RP1: variants seen among roughly 807,000 people sequenced by gnomAD.
RP1 encodes RP1 axonemal microtubule associated.
RP1 carries 16 observed loss-of-function variants against 14.8 expected under a neutral mutation model. That is an observed-to-expected ratio of 1.08 (90% CI 0.73 to 1.65). The LOEUF (loss-of-function observed/expected upper bound fraction) is 1.65, where lower values mean the gene tolerates loss of function less well. RP1 is among the 40% of genes most tolerant of loss of function. The pLI is 0.00. For synonymous variants in RP1, 876 were observed against 883.6 expected (o/e 0.99, Z 0.15); for missense variants, 2,631 against 2,535.0 (o/e 1.04, Z -0.81).
chr8:54,776,820 T>G (rs1810051846), intron 23 of RP1, among the ~76,000 whole-genome samples: 1 of 152,166 alleles, frequency 6.6e-6, no homozygotes, highest in African/African-American at 2.4e-5. Context: ...CTCTCCTCCC[T>G]GTTAAGGGTC....
At chr8:54,611,797 A>C (rs1224172018), upstream of RP1, among the ~76,000 whole-genome samples, 2 of 151,850 alleles carry the variant, frequency 1.3e-5, no homozygotes, top group African/African-American at 4.8e-5. Context: ...ACTCTATTTG[A>C]ATCATATAAT....
At chr8:54,814,597 AT>A (rs1226790533) in intron 24 of RP1, among the ~76,000 whole-genome samples, 1 of 152,174 alleles carries the variant, frequency 6.6e-6, no homozygotes, top group Non-Finnish European at 1.5e-5. Context: ...TGGACATAGA[AT>A]TTAGTCTCCC....
chr8:54,624,625 A>G, intron 3 of RP1, 45 bp from the exon 4 acceptor site: 1 of 1,596,524 alleles, frequency 6.3e-7, no homozygotes, highest in South Asian at 1.1e-5. Flanking sequence ...TGCCTTCCAT[A>G]TTATATTTTG....
At chr8:54,783,755 A>G (rs1810248685) in intron 24 of RP1, 1 of 1,142,356 alleles carries the variant, frequency 8.8e-7, no homozygotes, top group Non-Finnish European at 1.1e-6. Flanking sequence ...ATATATTGTG[A>G]TATACATCCC....
intron 16 of RP1, among the ~76,000 whole-genome samples, chr8:54,724,669 T>C (rs1283063631): frequency 6.6e-6 from 1 of 152,190 alleles, no homozygotes; most frequent in East Asian, 1.9e-4. Context: ...CTTTGGTACT[T>C]GGCTTTTGAA....
At chr8:54,865,786 T>C (rs1812444185) in intron 27 of RP1, 1 of 663,404 alleles carries the variant, frequency 1.5e-6, no homozygotes, top group Non-Finnish European at 2.1e-6. Flanking sequence ...ACAATGCTGG[T>C]ATTTTTAAGC....
In RP1 at chr8:54,629,284, C is replaced by T. The variant is rs756209226; in HGVS notation, c.5402C>T (p.Ser1801Phe). The stretch of plus-strand genomic sequence containing the variant: ...CCAGGCCCAACGATGGATGAACTCT[C>T]CTCTTCAGAACTCGAGGAACTGACT... Reference protein sequence around the residue: ...LAPGPTMDELSSSELEELTQP... With the variant: ...LAPGPTMDELFSSELEELTQP... Residue 1801 changes from serine (S) to phenylalanine (F), a missense_variant, in exon 4 of 4, where the codon TCC (serine) becomes TTC (phenylalanine). By Grantham distance (155) the Ser-to-Phe change is radical (BLOSUM62 -2). Coordinates refer to ENST00000220676, the MANE Select transcript of RP1 (RefSeq NM_006269.2). 2 of 1,613,672 alleles carry T rather than the reference C, an allele frequency of 1.2e-6. No homozygotes were observed. The highest frequency in any genetic ancestry group is 1.7e-5 in the Admixed American group (1 of 59,972).
chr8:54,623,545 G>T (rs948485992), intron 3 of RP1, among the ~76,000 whole-genome samples: 1 of 151,518 alleles, frequency 6.6e-6, no homozygotes, highest in South Asian at 2.1e-4. Context: ...GTGATCACCC[G>T]CCTCAGCCTC....
chr8:54,759,991 A>C (rs1809600156), intron 22 of RP1, among the ~76,000 whole-genome samples: 1 of 152,162 alleles, frequency 6.6e-6, no homozygotes, highest in African/African-American at 2.4e-5. Context: ...GCAAGCAGAA[A>C]TTCAAGGGTT....
In RP1 at chr8:54,678,337, T is replaced by C. The variant is rs1318305081; in HGVS notation, c.1403-124T>C. Reference sequence around the variant, plus strand: ...TTATATTTTGCTTTATTTGAAGTACTAAAGCTTTATATTGTACAAGACCTT... The same window carrying C: ...TTATATTTTGCTTTATTTGAAGTACCAAAGCTTTATATTGTACAAGACCTT... On this transcript the variant is annotated intron_variant, in intron 8 of 22. Coordinates refer to the RP1 transcript ENST00000636932. 5.6e-6 allele frequency: 4 copies of C among 719,870 alleles called. No homozygotes were observed. In the African/African-American group the frequency reaches 7.3e-5, roughly 13 times the overall value. 44.6% of individuals were successfully genotyped at this position (719,870 alleles called of 1,614,324 possible). A position where few individuals can be genotyped will look rare whatever the true frequency, so the allele number is the denominator to read the frequency against.
intron 17 of RP1, among the ~76,000 whole-genome samples, chr8:54,733,326 C>T (rs1479662933): frequency 6.6e-6 from 1 of 151,882 alleles, no homozygotes; most frequent in African/African-American, 2.4e-5. Flanking sequence ...AACACAGAAC[C>T]CTGCATATAA....
intron 24 of RP1, among the ~76,000 whole-genome samples, chr8:54,829,153 C>T (rs368639413): frequency 6.6e-6 from 1 of 152,038 alleles, no homozygotes; most frequent in African/African-American, 2.4e-5. Context: ...AAGACCACTG[C>T]ATATATGCAG....
chr8:54,843,572 C>A (rs1485642248), intron 25 of RP1, among the ~76,000 whole-genome samples: 1 of 152,036 alleles, frequency 6.6e-6, no homozygotes, highest in Non-Finnish European at 1.5e-5. Flanking sequence ...TTTTTTTGGG[C>A]CGTATCAATG....
intron 15 of RP1, among the ~76,000 whole-genome samples, chr8:54,719,204 C>T (rs186187619): frequency 6.3e-4 from 96 of 152,246 alleles, no homozygotes; most frequent in African/African-American, 2.0e-3. Context: ...ATTTCCTATC[C>T]CTACCCCCAG....
chr8:54,852,812 T>C, intron 26 of RP1: 2 of 1,000,250 alleles, frequency 2.0e-6, no homozygotes, highest in East Asian at 3.3e-5. Context: ...ACAGAAAATT[T>C]CTGAGATGCT....
intron 22 of RP1, chr8:54,759,129 G>GGT: frequency 9.9e-7 from 1 of 1,013,386 alleles, no homozygotes; most frequent in Non-Finnish European, 1.4e-6. Context: ...TGTGGATGAT[G>GGT]CTGTGTGTGT....
intron 12 of RP1, among the ~76,000 whole-genome samples, chr8:54,684,145 C>T (rs796827121): frequency 5.9e-5 from 9 of 152,184 alleles, no homozygotes; most frequent in African/African-American, 2.2e-4. Context: ...ATCAACCTTG[C>T]ATCCCAGGGA....
chr8:54,717,403 C>T (rs992568661), intron 15 of RP1, among the ~76,000 whole-genome samples: 9 of 152,008 alleles, frequency 5.9e-5, no homozygotes, highest in Admixed American at 3.3e-4. Flanking sequence ...AAATAATTCA[C>T]AAATATTATC....
At chr8:54,845,034 G>C (rs907566521) in intron 25 of RP1, among the ~76,000 whole-genome samples, 1 of 152,174 alleles carries the variant, frequency 6.6e-6, no homozygotes, top group Non-Finnish European at 1.5e-5. Flanking sequence ...CCTTAGGGAC[G>C]GTCAGAGTCT....
Sources: gnomAD v4.1 joint callset for allele counts (sites outside exome capture counted in the v4.1 genomes callset) on GRCh38, gnomAD v4.1.1 for gene constraint, MANE v1.5 for transcripts, NCBI Gene and HGNC (gene_info 2026-07-23, HGNC 2026-07-21) for gene names.